Variants in AREL1 observed in about 807,000 individuals in gnomAD.
The protein encoded by AREL1 is apoptosis-resistant E3 ubiquitin protein ligase 1.
Under a neutral mutation model 99.0 loss-of-function variants are expected in AREL1, and 62 were observed. The ratio of observed to expected loss-of-function variants is 0.63; its 90% CI spans 0.51 to 0.77. AREL1 has a LOEUF of 0.77. AREL1 is among the 30% of genes least tolerant of loss of function. The pLI is 0.00. For synonymous variants in AREL1, 380 were observed against 376.5 expected, an observed-to-expected ratio of 1.01 and a Z score of -0.11; for missense variants, 879 against 1,027.6, an observed-to-expected ratio of 0.86 and a Z score of 1.98.
At chr14:74,676,051 T>G in intron 7 of AREL1, 90 bp downstream of exon 7, 1 of 1,552,076 alleles carries the variant, frequency 6.4e-7, no homozygotes, top group Non-Finnish European at 8.7e-7. Context: ...GGCCCAAATA[T>G]CAAATGTTTG....
chr14:74,676,491 G>T, intron 6 of AREL1, 92 bp downstream of exon 6: 1 of 1,472,066 alleles, frequency 6.8e-7, no homozygotes, highest in South Asian at 1.3e-5. Context: ...TCAAGGAGAA[G>T]GAAAGAGAGA....
At chr14:74,694,902 T>C (rs1395819783) in intron 1 of AREL1, among the ~76,000 whole-genome samples, 1 of 144,222 alleles carries the variant, frequency 6.9e-6, no homozygotes, top group Non-Finnish European at 1.5e-5. Context: ...GGCAGGAGAA[T>C]GGTGTGAACC....
intron 1 of AREL1, among the ~76,000 whole-genome samples, chr14:74,692,920 G>C (rs2089912932): frequency 1.3e-5 from 2 of 152,064 alleles, no homozygotes; most frequent in Non-Finnish European, 2.9e-5. Context: ...TGTTGCTCAG[G>C]CTAGTCTTGA....
intron 15 of AREL1, 119 bp from the exon 16 acceptor site, chr14:74,667,713 G>T: frequency 7.6e-7 from 1 of 1,313,216 alleles, no homozygotes; most frequent in Non-Finnish European, 1.0e-6. Flanking sequence ...TCAGTCACAA[G>T]TTTCTGCTGT....
At chr14:74,709,060 C>G (rs2090235496) in intron 1 of AREL1, among the ~76,000 whole-genome samples, 1 of 152,212 alleles carries the variant, frequency 6.6e-6, no homozygotes, top group South Asian at 2.1e-4. Flanking sequence ...GAAGGCTAAG[C>G]ATTCAGAACC....
chr14:74,704,725 A>G (rs988734355), intron 1 of AREL1, among the ~76,000 whole-genome samples: 2 of 152,206 alleles, frequency 1.3e-5, no homozygotes, highest in African/African-American at 2.4e-5. Context: ...CTTAACAGAA[A>G]ATACACTTTT....
At chr14:74,679,672 C>T (rs1191814553) in intron 5 of AREL1, among the ~76,000 whole-genome samples, 1 of 151,632 alleles carries the variant, frequency 6.6e-6, no homozygotes, top group Non-Finnish European at 1.5e-5. Flanking sequence ...ACTAAAAACA[C>T]AAAAAACTAG....
At chr14:74,676,447 G>A (rs899177523) in intron 6 of AREL1, 126 bp from the exon 7 acceptor site, 1 of 1,414,324 alleles carries the variant, frequency 7.1e-7, no homozygotes, top group Non-Finnish European at 9.6e-7. Flanking sequence ...AATGAGACAG[G>A]TATTGTCAGA....
At chr14:74,687,779 A>G (rs1384104217) in intron 2 of AREL1, among the ~76,000 whole-genome samples, 3 of 152,180 alleles carry the variant, frequency 2.0e-5, no homozygotes, top group African/African-American at 7.2e-5. Flanking sequence ...TATTATCAAT[A>G]GTAGCGCCAG....
At chr14:74,671,553 C>T in intron 11 of AREL1, 70 bp from the exon 12 acceptor site, 1 of 1,022,362 alleles carries the variant, frequency 9.8e-7, no homozygotes, top group Admixed American at 2.4e-5. Flanking sequence ...AAAGACAACA[C>T]AAGAGCACTG....
intron 8 of AREL1, among the ~76,000 whole-genome samples, chr14:74,674,895 T>C (rs2089436662): frequency 6.6e-6 from 1 of 152,086 alleles, no homozygotes; most frequent in African/African-American, 2.4e-5. Flanking sequence ...TGGGGTGAGC[T>C]GGAGTGGAAT....
Position 74,700,637 on chromosome 14 carries a change from G to A in AREL1, c.-333-8309C>T, listed in dbSNP as rs547944901. On this transcript the variant is annotated intron_variant, in intron 1 of 19. Transcript: ENST00000356357. ...ACTAAATATACAAAAAAAATTAGCCGGGCATGGTGGCACACGCCTGTATTC... is the reference window on the plus strand; with the variant it reads ...ACTAAATATACAAAAAAAATTAGCCAGGCATGGTGGCACACGCCTGTATTC... Among the ~76,000 whole-genome samples the A allele has an allele frequency of 4.5e-4, 69 of 152,210 alleles. No homozygotes were observed. In the Middle Eastern group the frequency reaches 0.01, roughly 23 times the overall value.
intron 1 of AREL1, among the ~76,000 whole-genome samples, chr14:74,695,087 T>C (rs2089959036): frequency 6.6e-6 from 1 of 150,718 alleles, no homozygotes; most frequent in South Asian, 2.1e-4. Context: ...TTTTTTTTTT[T>C]TTGAGATAGA....
Position 74,663,516 on chromosome 14 carries a change from C to A in AREL1, c.*204G>T. On this transcript the variant is annotated 3_prime_UTR_variant, in exon 20 of 20. Transcript: ENST00000356357. The stretch of plus-strand genomic sequence containing the variant: ...TGAAGAGCTCAGCTTACATACCATG[C>A]CAAAGTGGCCTGTGGTAGATATGGG... 1.7e-6 allele frequency: 1 copy of A among 600,924 alleles called. No individual in the cohort carries two copies. The highest frequency in any genetic ancestry group is 1.8e-5 in the South Asian group (1 of 54,850). 37.2% of individuals were successfully genotyped at this position (600,924 alleles called of 1,614,324 possible).
chr14:74,671,518 C>A (rs765191662), intron 11 of AREL1, 35 bp from the exon 12 acceptor site: 6 of 1,445,700 alleles, frequency 4.2e-6, no homozygotes, highest in Non-Finnish European at 4.8e-6. Context: ...ATTGTCAGAA[C>A]ACTGGCTGGT....
At chr14:74,709,163 A>C (rs1182624741) in intron 1 of AREL1, among the ~76,000 whole-genome samples, 1 of 152,252 alleles carries the variant, frequency 6.6e-6, no homozygotes, top group Non-Finnish European at 1.5e-5. Context: ...ACGGTCAGGC[A>C]CAGTGGCTCA....
chr14:74,676,602 T>C lies in AREL1; in HGVS notation c.632A>G (p.Tyr211Cys). 6.2e-7 allele frequency: 1 copy of C among 1,613,750 alleles called. No individual in the cohort carries two copies. ...GCTTACCTCATGAATGGACAAGGTG[T>C]AATTGTGCTCATCTCTCAAGGACAT... ...NSMSLRDEHN[Y>C]TLSIHELGPQ... Residue 211 changes from tyrosine to cysteine, a missense_variant, in exon 6 of 20, where the codon TAC becomes TGC. Coordinates refer to ENST00000356357, the MANE Select transcript of AREL1 (RefSeq NM_001039479.2).
rs2089115033 is a variant in AREL1 at position 74,662,834 on chromosome 14, C to G, written c.*886G>C. The G allele has an allele frequency of 2.6e-6, 1 of 377,892 alleles. No homozygotes were observed. The allele number at this position is 377,892 out of a possible 1,614,324, so 23.4% of individuals were successfully genotyped here. ...TTCTTCAGTAGAATGCTAAAGGATCCCCAGCTTTTAGCAGACTACATAATG... is the reference window on the plus strand; with the variant it reads ...TTCTTCAGTAGAATGCTAAAGGATCGCCAGCTTTTAGCAGACTACATAATG... On this transcript the variant is annotated 3_prime_UTR_variant, in exon 20 of 20. Coordinates refer to ENST00000356357, the MANE Select transcript of AREL1 (RefSeq NM_001039479.2).
chr14:74,705,816 T>G (rs1326040909), intron 1 of AREL1, among the ~76,000 whole-genome samples: 1 of 152,236 alleles, frequency 6.6e-6, no homozygotes, highest in Non-Finnish European at 1.5e-5. Context: ...TTTCTTTTTG[T>G]ATAGTATACA....
Sources: allele counts gnomAD v4.1 joint callset (sites outside exome capture counted in the v4.1 genomes callset), GRCh38; gene constraint gnomAD v4.1.1; transcripts MANE v1.5; gene names NCBI Gene and HGNC (gene_info 2026-07-23, HGNC 2026-07-21).